The following SEMA4B variants were observed in gnomAD, a reference collection of about 807,000 sequenced individuals.
SEMA4B encodes semaphorin-4B.
SEMA4B carries 55 observed loss-of-function variants against 88.1 expected under a neutral mutation model. That is an observed-to-expected ratio of 0.62 (90% CI 0.50 to 0.78). The LOEUF (loss-of-function observed/expected upper bound fraction) is 0.78, where lower values mean the gene tolerates loss of function less well. Among genes scored for constraint, SEMA4B ranks in the 30% least tolerant of loss-of-function variants. The pLI, the probability that SEMA4B is intolerant of heterozygous loss-of-function variation, is 0.00. For missense variants in SEMA4B, 1,062 were observed against 1,111.9 expected, an observed-to-expected ratio of 0.96 and a Z score of 0.64; for synonymous variants, 525 against 473.6, an observed-to-expected ratio of 1.11 and a Z score of -1.41.
Position 90,228,578 on chromosome 15 carries a change from G to T in SEMA4B, c.2449G>T (p.Val817Leu), listed in dbSNP as rs1353959270. ...PLSIQDSFVE[V>L]SPVCPRPRVR... ...CAGCATCCAAGACAGCTTCGTGGAGGTATCCCCAGTGTGCCCCCGGCCCCG... is the reference window on the plus strand; with the variant it reads ...CAGCATCCAAGACAGCTTCGTGGAGTTATCCCCAGTGTGCCCCCGGCCCCG... The change falls in exon 14 of 14, where the codon GTA becomes TTA. Residue 817 changes from valine (V) to leucine (L), a missense_variant. By Grantham distance (32) the Val-to-Leu change is conservative (BLOSUM62 1). Coordinates refer to ENST00000411539, the MANE Select transcript of SEMA4B (RefSeq NM_198925.4). 4.3e-6 allele frequency: 7 copies of T among 1,613,662 alleles called. No homozygotes were observed. Among genetic ancestry groups the T allele is most frequent in the Non-Finnish European group, 5.9e-6 (7 of 1,179,868 alleles).
chr15:90,221,809 A>G (rs8029653), intron 7 of SEMA4B, 44 bp downstream of exon 7: 1 of 1,594,074 alleles, frequency 6.3e-7, no homozygotes, highest in Non-Finnish European at 8.6e-7. Flanking sequence ...AGGGACCTCA[A>G]AGCCTCCACA....
chr15:90,206,507 T>C (rs1439895981), intron 1 of SEMA4B: 9 of 341,282 alleles, frequency 2.6e-5, no homozygotes, highest in Admixed American at 4.4e-5. Context: ...CACCAAGTCA[T>C]GCAGAGACGG....
intron 1 of SEMA4B, chr15:90,206,592 C>A: frequency 1.8e-6 from 1 of 546,916 alleles, no homozygotes; most frequent in Non-Finnish European, 3.3e-6. Flanking sequence ...GGCATTGCTG[C>A]TGGAGGGGTA....
chr15:90,185,193 C>A, intron 1 of SEMA4B: 1 of 541,840 alleles, frequency 1.8e-6, no homozygotes, highest in Non-Finnish European at 2.4e-6. Context: ...ACCTCCCGCC[C>A]GGCCCCTCTC....
rs1427020802 is a variant in SEMA4B at position 90,224,961 on chromosome 15, C to T, written c.1195-7C>T. On this transcript the variant is annotated splice_polypyrimidine_tract_variant and splice_region_variant and intron_variant, in intron 9 of 13. Coordinates refer to ENST00000411539, the MANE Select transcript of SEMA4B (RefSeq NM_198925.4). ...GGCTGGCCTCACACTGCTGCTTTCT[C>T]CTCCAGTGCATCACCAACAGTGCCC... The T allele has an allele frequency of 2.5e-6, 4 of 1,613,276 alleles. No individual in the cohort carries two copies.
chr15:90,215,294 G>T (rs956851312), intron 1 of SEMA4B, among the ~76,000 whole-genome samples: 1 of 150,858 alleles, frequency 6.6e-6, no homozygotes, highest in Non-Finnish European at 1.5e-5. Context: ...ATCTAAAAAT[G>T]ATAACAAGTA....
Position 90,185,481 on chromosome 15 carries a change from A to C in SEMA4B, c.-122+400A>C, listed in dbSNP as rs555921234. Among the ~76,000 whole-genome samples the C allele has an allele frequency of 2.0e-5, 3 of 152,366 alleles. No homozygotes were observed. The South Asian group carries it at 6.2e-4, about 32-fold the overall frequency. On this transcript the variant is annotated intron_variant, in intron 1 of 14. Transcript: ENST00000332496. The stretch of plus-strand genomic sequence containing the variant: ...CCTTTGTCATGGCTTCTTTCTTCTC[A>C]CTGAGCACCAAGGTGCTAGAAGGAG...
chr15:90,214,398 G>T (rs918262260), intron 1 of SEMA4B, among the ~76,000 whole-genome samples: 1 of 151,396 alleles, frequency 6.6e-6, no homozygotes, highest in African/African-American at 2.4e-5. Context: ...AGCACTTTGG[G>T]AGGCCGAGGC....
intron 1 of SEMA4B, among the ~76,000 whole-genome samples, 167 bp downstream of exon 1, chr15:90,201,902 G>A (rs1029629785): frequency 6.6e-6 from 1 of 152,260 alleles, no homozygotes; most frequent in Non-Finnish European, 1.5e-5. Flanking sequence ...GGAGGGAGAG[G>A]AGAGGGGAGC....
In SEMA4B at chr15:90,201,546, G is replaced by A; in HGVS notation, c.-33G>A. Reference sequence around the variant, plus strand: ...GAGTCCGGCCGAGCCACCTGAGCCCGAGCCGCGGGACACCGTCGCTCCTGC... The same window carrying A: ...GAGTCCGGCCGAGCCACCTGAGCCCAAGCCGCGGGACACCGTCGCTCCTGC... On this transcript the variant is annotated 5_prime_UTR_variant, in exon 1 of 14. Transcript: ENST00000411539. The A allele has an allele frequency of 7.0e-7, 1 of 1,425,680 alleles. No homozygotes were observed. 88.3% of individuals were successfully genotyped at this position (1,425,680 alleles called of 1,614,324 possible).
intron 1 of SEMA4B, among the ~76,000 whole-genome samples, chr15:90,192,653 C>G (rs1009959942): frequency 1.4e-5 from 2 of 143,308 alleles, no homozygotes; most frequent in African/African-American, 5.3e-5. Context: ...TGCAGTGGCA[C>G]GATCTTGGCT....
intron 12 of SEMA4B, among the ~76,000 whole-genome samples, chr15:90,226,928 TA>T (rs146546001): frequency 6.6e-6 from 1 of 150,666 alleles, no homozygotes; most frequent in African/African-American, 2.4e-5. Context: ...GTGCACTGTT[TA>T]AAAAAAAAGA....
At chr15:90,199,636 C>G (rs995269361), upstream of SEMA4B, among the ~76,000 whole-genome samples, 26 of 151,958 alleles carry the variant, frequency 1.7e-4, no homozygotes, top group Admixed American at 1.4e-3. Flanking sequence ...ACCAGCCTGG[C>G]CAACATTGTG....
At chr15:90,215,985 C>T (rs1022675149) in intron 1 of SEMA4B, among the ~76,000 whole-genome samples, 2 of 151,642 alleles carry the variant, frequency 1.3e-5, no homozygotes, top group Admixed American at 6.6e-5. Context: ...ATTATTTCCT[C>T]CATTTTTTTT....
At position 90,201,678 on chromosome 15, in the gene SEMA4B, C is replaced by T. The variant is rs966168193; in HGVS notation, c.100C>T (p.Leu34=). The change falls in exon 1 of 14, where the codon CTG becomes TTG. Residue 34 remains leucine (L), a synonymous_variant. Coordinates refer to ENST00000411539, the MANE Select transcript of SEMA4B (RefSeq NM_198925.4). ...GCTGCTGCTCCTGCTGCTGCTGCTC[C>T]TGCTGCAGCCGCCGCCTCCGACCTG... ...PLLLLLLLLL[L]LQPPPPTWAL... The T allele has an allele frequency of 2.6e-6, 4 of 1,513,396 alleles. No individual in the cohort carries two copies. The East Asian group carries it at 7.9e-5, about 30-fold the overall frequency. 93.7% of individuals were successfully genotyped at this position (1,513,396 alleles called of 1,614,324 possible). A position where few individuals can be genotyped will look rare whatever the true frequency, so the allele number is the denominator to read the frequency against.
rs1009281494 is a variant in SEMA4B, at chr15:90,229,157, T to C, written c.*514T>C. ...TCAGGACCAGCTTGGGCTGCGTGCG[T>C]TCTGCCTTGCCAGTCAGCCGAGGAT... On this transcript the variant is annotated 3_prime_UTR_variant, in exon 14 of 14. Coordinates refer to ENST00000411539, the MANE Select transcript of SEMA4B (RefSeq NM_198925.4). 2.7e-6 allele frequency: 1 copy of C among 374,474 alleles called. No individual in the cohort carries two copies. The highest frequency in any genetic ancestry group is 5.4e-6 in the Non-Finnish European group (1 of 186,478). The allele number at this position is 374,474 out of a possible 1,614,324, so 23.2% of individuals were successfully genotyped here.
At chr15:90,208,220 CT>C (rs577385934) in intron 1 of SEMA4B, among the ~76,000 whole-genome samples, 22 of 151,402 alleles carry the variant, frequency 1.5e-4, no homozygotes, top group African/African-American at 5.1e-4. Context: ...TGCCATTGCA[CT>C]CCAGCCTGGA....
intron 1 of SEMA4B, among the ~76,000 whole-genome samples, chr15:90,188,599 G>A (rs1960247770): frequency 6.6e-6 from 1 of 151,788 alleles, no homozygotes; most frequent in Non-Finnish European, 1.5e-5. Context: ...CTGCACTCCA[G>A]CCTGGACGAC....
At chr15:90,199,143 G>A (rs977499674), upstream of SEMA4B, among the ~76,000 whole-genome samples, 1 of 152,088 alleles carries the variant, frequency 6.6e-6, no homozygotes, top group Non-Finnish European at 1.5e-5. Flanking sequence ...CAAAGTGCTG[G>A]GATTACAGGC....
Sources: gnomAD v4.1 joint callset for allele counts (sites outside exome capture counted in the v4.1 genomes callset) on GRCh38, gnomAD v4.1.1 for gene constraint, MANE v1.5 for transcripts, NCBI Gene and HGNC (gene_info 2026-07-23, HGNC 2026-07-21) for gene names.